Variants in RNF180 observed in about 807,000 individuals in gnomAD.
RNF180 encodes E3 ubiquitin-protein ligase RNF180.
In RNF180, 38 loss-of-function variants were observed where a neutral mutation model predicts 59.2. The observed-to-expected ratio is 0.64, with a 90% CI of 0.50 to 0.84. RNF180 has a LOEUF of 0.84. Ranked by LOEUF, RNF180 falls within the 40% of genes least tolerant of loss-of-function variation. The pLI is 0.00. For missense variants in RNF180, 705 were observed against 700.9 expected (o/e 1.01, Z -0.07); for synonymous variants, 262 against 240.3 (o/e 1.09, Z -0.84).
At chr5:64,358,437 T>C (rs1473924867) in intron 7 of RNF180, among the ~76,000 whole-genome samples, 1 of 151,900 alleles carries the variant, frequency 6.6e-6, no homozygotes, top group African/African-American at 2.4e-5. Context: ...TTATGAAAGT[T>C]TTACTCCAAT....
intron 5 of RNF180, among the ~76,000 whole-genome samples, chr5:64,316,931 C>T (rs1561256510): frequency 6.6e-6 from 1 of 152,202 alleles, no homozygotes; most frequent in Non-Finnish European, 1.5e-5. Context: ...CACACATACT[C>T]AATTCCTACA....
At chr5:64,356,418 T>G (rs1285884524) in intron 7 of RNF180, among the ~76,000 whole-genome samples, 2 of 151,868 alleles carry the variant, frequency 1.3e-5, no homozygotes, top group Non-Finnish European at 2.9e-5. Flanking sequence ...AAGGAGAAAT[T>G]GGAACTCTGA....
intron 2 of RNF180, among the ~76,000 whole-genome samples, chr5:64,206,129 A>G (rs1003127227): frequency 5.3e-5 from 8 of 152,184 alleles, no homozygotes; most frequent in African/African-American, 1.7e-4. Context: ...CATACAAACT[A>G]TATATCCATA....
At chr5:64,306,957 T>C (rs1307068501) in intron 5 of RNF180, among the ~76,000 whole-genome samples, 1 of 149,712 alleles carries the variant, frequency 6.7e-6, no homozygotes, top group Admixed American at 6.7e-5. Context: ...ACATGTACCC[T>C]AAAACTTAAA....
chr5:64,291,367 G>C (rs1176815959), intron 5 of RNF180, among the ~76,000 whole-genome samples: 4 of 150,270 alleles, frequency 2.7e-5, no homozygotes, highest in Non-Finnish European at 5.9e-5. Flanking sequence ...TGGAATGTTG[G>C]CCTTCTTGTT....
chr5:64,269,049 C>T (rs1744853756), intron 5 of RNF180, among the ~76,000 whole-genome samples: 1 of 152,084 alleles, frequency 6.6e-6, no homozygotes, highest in South Asian at 2.1e-4. Context: ...CCATCCTTAC[C>T]TCTCTTATAT....
chr5:64,311,774 A>C (rs183270599), intron 5 of RNF180, among the ~76,000 whole-genome samples: 1 of 152,150 alleles, frequency 6.6e-6, no homozygotes, highest in Non-Finnish European at 1.5e-5. Context: ...ATTCTCCATT[A>C]GAAAATTCAC....
At chr5:64,169,745 A>G (rs1490686341) in intron 1 of RNF180, among the ~76,000 whole-genome samples, 2 of 152,264 alleles carry the variant, frequency 1.3e-5, no homozygotes, top group African/African-American at 2.4e-5. Flanking sequence ...CTCTTTGACC[A>G]GTAGAAATCT....
intron 1 of RNF180, among the ~76,000 whole-genome samples, chr5:64,168,125 A>G (rs958357672): frequency 1.3e-5 from 2 of 152,250 alleles, no homozygotes; most frequent in East Asian, 1.9e-4. Flanking sequence ...TTTCTAGTCA[A>G]TTTACAAGCA....
intron 5 of RNF180, among the ~76,000 whole-genome samples, chr5:64,292,600 G>A (rs962858725): frequency 1.3e-5 from 2 of 152,186 alleles, no homozygotes; most frequent in African/African-American, 4.8e-5. Flanking sequence ...ACCCAGTCAC[G>A]AGGGATGGGA....
chr5:64,236,130 GA>G (rs1411588539), intron 5 of RNF180, among the ~76,000 whole-genome samples: 8 of 152,234 alleles, frequency 5.3e-5, no homozygotes, highest in Admixed American at 3.9e-4. Flanking sequence ...GGGAAAGTTT[GA>G]AACTTCCTAG....
At chr5:64,261,530 T>G (rs1744340941) in intron 5 of RNF180, among the ~76,000 whole-genome samples, 1 of 152,232 alleles carries the variant, frequency 6.6e-6, no homozygotes, top group Non-Finnish European at 1.5e-5. Context: ...TCATTGGGTT[T>G]CAGAATATTT....
At chr5:64,335,803 C>CT (rs975636355) in intron 7 of RNF180, among the ~76,000 whole-genome samples, 1 of 152,100 alleles carries the variant, frequency 6.6e-6, no homozygotes, top group African/African-American at 2.4e-5. Context: ...GCATGAAAAA[C>CT]TATGTTCTAC....
rs540730960 is a variant in RNF180, at chr5:64,262,061, C to T, written c.1227+44665C>T. Among the ~76,000 whole-genome samples the T allele has an allele frequency of 1.2e-4, 18 of 152,188 alleles. No individual in the cohort carries two copies. In the South Asian group the frequency reaches 1.7e-3, roughly 14 times the overall value. ...TGTGAAGTATCATTTTATTGTTATACTTACCAAATAATTTTTTGCATTTAG... is the reference window on the plus strand; with the variant it reads ...TGTGAAGTATCATTTTATTGTTATATTTACCAAATAATTTTTTGCATTTAG... On this transcript the variant is annotated intron_variant, in intron 5 of 7. Transcript: ENST00000389100.
chr5:64,238,687 T>G (rs1561210181), intron 5 of RNF180, among the ~76,000 whole-genome samples: 1 of 152,194 alleles, frequency 6.6e-6, no homozygotes, highest in African/African-American at 2.4e-5. Flanking sequence ...ATTGGGTTAT[T>G]TTTTACTACT....
intron 7 of RNF180, among the ~76,000 whole-genome samples, chr5:64,361,646 A>G (rs1204202035): frequency 6.6e-6 from 1 of 151,554 alleles, no homozygotes; most frequent in African/African-American, 2.4e-5. Flanking sequence ...AGCATAGTTA[A>G]AATGAACTAA....
chr5:64,188,972 A>G (rs1751003632), intron 1 of RNF180, among the ~76,000 whole-genome samples: 1 of 152,088 alleles, frequency 6.6e-6, no homozygotes, highest in Non-Finnish European at 1.5e-5. Context: ...TGAAACCCCA[A>G]TCTAATAGGA....
At chr5:64,363,373 T>A (rs1206305808) in intron 7 of RNF180, among the ~76,000 whole-genome samples, 1 of 151,902 alleles carries the variant, frequency 6.6e-6, no homozygotes, top group African/African-American at 2.4e-5. Context: ...TGTTTGTTCA[T>A]GTCAGCTTTG....
At chr5:64,181,986 C>CT (rs1190089130) in intron 1 of RNF180, among the ~76,000 whole-genome samples, 5,523 of 94,594 alleles carry the variant, frequency 0.058, 284 homozygotes, top group Non-Finnish European at 0.068. Context: ...CTGCTACTGT[C>CT]TTTTTTTTTT....
Sources: gnomAD v4.1 joint callset for allele counts (sites outside exome capture counted in the v4.1 genomes callset) on GRCh38, gnomAD v4.1.1 for gene constraint, MANE v1.5 for transcripts, NCBI Gene and HGNC (gene_info 2026-07-23, HGNC 2026-07-21) for gene names.